Variants in GABRG3 observed in about 807,000 individuals in gnomAD.
The protein encoded by GABRG3 is gamma-aminobutyric acid type A receptor subunit gamma3, also known as gamma-aminobutyric acid receptor subunit gamma-3.
GABRG3 carries 25 observed loss-of-function variants against 48.8 expected under a neutral mutation model. The observed-to-expected ratio is 0.51, with a 90% confidence interval of 0.37 to 0.72. The LOEUF (loss-of-function observed/expected upper bound fraction) is 0.72. Ranked by LOEUF, GABRG3 falls within the 30% of genes least tolerant of loss-of-function variation. The pLI is 0.00. For synonymous variants in GABRG3, 227 were observed against 217.6 expected, an observed-to-expected ratio of 1.04 and a Z score of -0.38; for missense variants, 394 against 577.9, an observed-to-expected ratio of 0.68 and a Z score of 3.26.
chr15:27,025,623 G>A (rs750678176), intron 2 of GABRG3, among the ~76,000 whole-genome samples: 35 of 152,200 alleles, frequency 2.3e-4, no homozygotes, highest in Non-Finnish European at 3.7e-4. Flanking sequence ...TCTGGGGATC[G>A]TTGCCCAGGG....
intron 7 of GABRG3, among the ~76,000 whole-genome samples, chr15:27,525,871 G>T (rs1034675006): frequency 6.6e-6 from 1 of 151,994 alleles, no homozygotes; most frequent in Admixed American, 6.6e-5. Context: ...CTAGGTGATG[G>T]GTTGATAGGT....
chr15:27,354,633 T>C (rs918115906), intron 5 of GABRG3, among the ~76,000 whole-genome samples: 1 of 152,190 alleles, frequency 6.6e-6, no homozygotes, highest in Non-Finnish European at 1.5e-5. Flanking sequence ...TGATGCATTT[T>C]CTGATTTTTA....
chr15:27,167,324 T>A (rs1207971685), intron 3 of GABRG3, among the ~76,000 whole-genome samples: 1 of 152,176 alleles, frequency 6.6e-6, no homozygotes. Context: ...AATTGCTTTC[T>A]CTCCCTGGAC....
intron 5 of GABRG3, among the ~76,000 whole-genome samples, chr15:27,418,177 C>T (rs1473106115): frequency 2.0e-5 from 3 of 152,208 alleles, no homozygotes; most frequent in African/African-American, 7.2e-5. Context: ...TGATGACCGG[C>T]CAGGGGACCC....
At chr15:27,138,907 C>T (rs1295413327) in intron 3 of GABRG3, among the ~76,000 whole-genome samples, 1 of 152,034 alleles carries the variant, frequency 6.6e-6, no homozygotes, top group African/African-American at 2.4e-5. Context: ...TTTTCTCATT[C>T]ATTTTCTTGA....
intron 3 of GABRG3, among the ~76,000 whole-genome samples, chr15:27,040,730 C>G (rs1896261013): frequency 6.6e-6 from 1 of 152,164 alleles, no homozygotes; most frequent in African/African-American, 2.4e-5. Context: ...TACTGTTTTC[C>G]TTTCTCTTTT....
chr15:27,307,157 A>ATAC (rs1892599619), intron 3 of GABRG3, among the ~76,000 whole-genome samples: 1 of 135,002 alleles, frequency 7.4e-6, no homozygotes, highest in African/African-American at 2.7e-5. Context: ...TAAACATATA[A>ATAC]AAACATGTTT....
chr15:27,294,223 CTTTTTTTTTTTT>C (rs1162063750), intron 3 of GABRG3, among the ~76,000 whole-genome samples: 1 of 129,296 alleles, frequency 7.7e-6, no homozygotes, highest in Non-Finnish European at 1.6e-5. Flanking sequence ...TTTCTTTTTC[CTTTTTTTTTTTT>C]TTTTTTTGAG....
intron 2 of GABRG3, among the ~76,000 whole-genome samples, chr15:26,988,857 C>A (rs1278491014): frequency 6.6e-6 from 1 of 152,084 alleles, no homozygotes; most frequent in East Asian, 1.9e-4. Flanking sequence ...TAATATTATA[C>A]CCTTTCAGCA....
rs187602957 is a variant in GABRG3 at position 27,257,659 on chromosome 15, C to G, written c.271-69150C>G. 9.9e-5 allele frequency among the ~76,000 whole-genome samples: 15 copies of G among 152,196 alleles called. No homozygotes were observed. In the East Asian group the frequency reaches 2.5e-3, roughly 26 times the overall value. On this transcript the variant is annotated intron_variant, in intron 3 of 9. Transcript: ENST00000615808. ...ACCTACCATTTCCAGTTCTGGAAAA[C>G]TGAGAGGATTTTGTAATTTTAAAAA...
chr15:27,260,051 T>C (rs1215590177), intron 3 of GABRG3, among the ~76,000 whole-genome samples: 2 of 152,216 alleles, frequency 1.3e-5, no homozygotes, highest in Non-Finnish European at 2.9e-5. Flanking sequence ...TGTGTCCTAA[T>C]TTCCATCCTC....
intron 5 of GABRG3, among the ~76,000 whole-genome samples, chr15:27,350,887 T>G (rs1021097352): frequency 3.3e-5 from 5 of 151,762 alleles, no homozygotes; most frequent in South Asian, 2.1e-4. Flanking sequence ...GGTGTGTGTG[T>G]GTCGTGTGTG....
intron 3 of GABRG3, among the ~76,000 whole-genome samples, chr15:27,206,064 C>G (rs1022725415): frequency 6.6e-6 from 1 of 151,998 alleles, no homozygotes; most frequent in African/African-American, 2.4e-5. Flanking sequence ...CACTTCAGCT[C>G]TCATTTTCGT....
At chr15:26,991,085 T>G (rs1054387256) in intron 2 of GABRG3, among the ~76,000 whole-genome samples, 1 of 152,132 alleles carries the variant, frequency 6.6e-6, no homozygotes, top group Admixed American at 6.5e-5. Context: ...TTACGTGATG[T>G]GATTTTTGTT....
chr15:27,344,906 T>C (rs1281834566), intron 5 of GABRG3, among the ~76,000 whole-genome samples: 1 of 152,134 alleles, frequency 6.6e-6, no homozygotes, highest in Non-Finnish European at 1.5e-5. Flanking sequence ...TGAGGATTAT[T>C]TTGTCTTCTT....
chr15:27,413,291 A>C (rs989402173), intron 5 of GABRG3, among the ~76,000 whole-genome samples: 1 of 152,234 alleles, frequency 6.6e-6, no homozygotes, highest in African/African-American at 2.4e-5. Flanking sequence ...TTAAGACTAC[A>C]CATCTCAAAT....
intron 3 of GABRG3, among the ~76,000 whole-genome samples, chr15:27,061,286 C>T (rs927138521): frequency 6.6e-5 from 10 of 152,098 alleles, no homozygotes; most frequent in East Asian, 1.9e-4. Context: ...TTGCATCACT[C>T]GAACGAGGAT....
chr15:27,051,790 T>C (rs941023772), intron 3 of GABRG3, among the ~76,000 whole-genome samples: 8 of 152,248 alleles, frequency 5.3e-5, no homozygotes, highest in African/African-American at 1.9e-4. Context: ...ATACAACTTA[T>C]ACAACTCACC....
chr15:27,297,336 G>A (rs1461654067), intron 3 of GABRG3, among the ~76,000 whole-genome samples: 3 of 152,016 alleles, frequency 2.0e-5, no homozygotes, highest in Admixed American at 6.6e-5. Flanking sequence ...CTACAGTAGC[G>A]TACTGGGATG....
Sources: gnomAD v4.1 joint callset for allele counts (sites outside exome capture counted in the v4.1 genomes callset) on GRCh38, gnomAD v4.1.1 for gene constraint, MANE v1.5 for transcripts, NCBI Gene and HGNC (gene_info 2026-07-23, HGNC 2026-07-21) for gene names.